Variants in CPS1 observed in about 807,000 individuals in gnomAD.
CPS1 encodes carbamoyl-phosphate synthase 1.
CPS1 carries 109 observed loss-of-function variants against 174.6 expected under a neutral mutation model. That is an observed-to-expected ratio of 0.62 (90% CI 0.53 to 0.73). CPS1 has a LOEUF of 0.73. Among genes scored for constraint, CPS1 ranks in the 30% least tolerant of loss-of-function variants. The pLI, the probability that CPS1 is intolerant of heterozygous loss-of-function variation, is 0.00. For missense variants in CPS1, 1,689 were observed against 1,821.9 expected (o/e 0.93, Z 1.33); for synonymous variants, 637 against 632.0 (o/e 1.01, Z -0.12).
At chr2:210,656,396 A>G in intron 29 of CPS1, 129 bp from the exon 30 acceptor site, 1 of 717,034 alleles carries the variant, frequency 1.4e-6, no homozygotes, top group South Asian at 1.5e-5. Context: ...TCTCATCAGG[A>G]ATGTAGCAAG....
chr2:210,614,270 A>G (rs1410124605), intron 20 of CPS1, among the ~76,000 whole-genome samples: 10 of 151,674 alleles, frequency 6.6e-5, no homozygotes, highest in Admixed American at 2.6e-4. Context: ...TTGAGAAATC[A>G]TGGATTTTTT....
At chr2:210,556,037 T>C (rs1326259959), upstream of CPS1, among the ~76,000 whole-genome samples, 1 of 152,044 alleles carries the variant, frequency 6.6e-6, no homozygotes, top group Non-Finnish European at 1.5e-5. Flanking sequence ...CTGATTGCTT[T>C]AACTTTGAAA....
chr2:210,659,186 A>G (rs1160299528), intron 31 of CPS1, among the ~76,000 whole-genome samples: 2 of 152,172 alleles, frequency 1.3e-5, no homozygotes, highest in Non-Finnish European at 2.9e-5. Flanking sequence ...GAGTCTGGGT[A>G]ACTTGTAGAG....
chr2:210,551,242 A>G (rs994851887), intron 1 of CPS1, among the ~76,000 whole-genome samples: 3 of 152,100 alleles, frequency 2.0e-5, no homozygotes, highest in South Asian at 2.1e-4. Flanking sequence ...TTCTGAATCA[A>G]CTTTCTAAGG....
intron 1 of CPS1, among the ~76,000 whole-genome samples, chr2:210,484,623 A>G (rs1307001071): frequency 6.6e-6 from 1 of 152,166 alleles, no homozygotes; most frequent in Admixed American, 6.5e-5. Context: ...CCAGATCACC[A>G]CATCTGGACG....
intron 1 of CPS1, among the ~76,000 whole-genome samples, chr2:210,565,015 AAAAT>A (rs562861337): frequency 3.3e-5 from 5 of 151,284 alleles, no homozygotes; most frequent in East Asian, 1.9e-4. Context: ...AATAAAAATA[AAAAT>A]AAATAAATAA....
At chr2:210,554,757 A>T (rs1696849123), upstream of CPS1, among the ~76,000 whole-genome samples, 1 of 151,740 alleles carries the variant, frequency 6.6e-6, no homozygotes, top group Non-Finnish European at 1.5e-5. Flanking sequence ...ATAAAAGAAA[A>T]AAAAACTTAA....
chr2:210,505,337 A>C (rs1169408557), intron 1 of CPS1, among the ~76,000 whole-genome samples: 3 of 152,006 alleles, frequency 2.0e-5, no homozygotes, highest in Non-Finnish European at 2.9e-5. Context: ...GAAAGAAAAG[A>C]AGCACAGTCC....
At chr2:210,564,605 T>C (rs1214331660) in intron 1 of CPS1, among the ~76,000 whole-genome samples, 4 of 152,012 alleles carry the variant, frequency 2.6e-5, no homozygotes, top group East Asian at 1.9e-4. Context: ...CTCGATCTCC[T>C]GACCTTGTGA....
At chr2:210,622,651 A>T (rs1699565879) in intron 21 of CPS1, among the ~76,000 whole-genome samples, 2 of 151,886 alleles carry the variant, frequency 1.3e-5, no homozygotes, top group Non-Finnish European at 2.9e-5. Flanking sequence ...TAAGGAATTC[A>T]ACTATAATAG....
intron 21 of CPS1, chr2:210,631,324 C>G (rs572903076): frequency 6.6e-6 from 1 of 152,216 alleles, no homozygotes; most frequent in Admixed American, 6.5e-5. Context: ...TATTCCATTT[C>G]CTTTTATCAT....
chr2:210,582,518 C>T, intron 5 of CPS1, 99 bp from the exon 6 acceptor site: 1 of 857,878 alleles, frequency 1.2e-6, no homozygotes, highest in East Asian at 2.5e-5. Flanking sequence ...ATAAAGACAT[C>T]TAAGTCTTGC....
intron 5 of CPS1, 90 bp from the exon 6 acceptor site, chr2:210,582,527 G>A (rs967616472): frequency 5.6e-6 from 5 of 899,676 alleles, no homozygotes; most frequent in African/African-American, 4.9e-5. Flanking sequence ...TCTAAGTCTT[G>A]CAGCAGCTGT....
intron 1 of CPS1, among the ~76,000 whole-genome samples, chr2:210,481,776 G>A (rs1450126994): frequency 1.3e-5 from 2 of 152,266 alleles, no homozygotes; most frequent in Non-Finnish European, 2.9e-5. Flanking sequence ...GTAACTGTAA[G>A]TAGAATGTAG....
At chr2:210,529,130 A>G (rs1696050479) in intron 1 of CPS1, among the ~76,000 whole-genome samples, 1 of 151,930 alleles carries the variant, frequency 6.6e-6, no homozygotes, top group African/African-American at 2.4e-5. Context: ...ATCATGAGAA[A>G]GAAATAACTC....
intron 10 of CPS1, among the ~76,000 whole-genome samples, chr2:210,592,413 C>A (rs1339546417): frequency 6.6e-6 from 1 of 151,976 alleles, no homozygotes; most frequent in Non-Finnish European, 1.5e-5. Context: ...TAATCAACAA[C>A]TATCTCATAT....
chr2:210,524,407 G>A (rs894496908), intron 1 of CPS1, among the ~76,000 whole-genome samples: 12 of 151,958 alleles, frequency 7.9e-5, no homozygotes, highest in Non-Finnish European at 1.6e-4. Context: ...ATATTATAGT[G>A]ATGAGAATAT....
chr2:210,570,480 A>AT (rs1697439067), intron 1 of CPS1, among the ~76,000 whole-genome samples: 1 of 151,936 alleles, frequency 6.6e-6, no homozygotes, highest in African/African-American at 2.4e-5. Context: ...TCTAACCCAG[A>AT]TATGGGATAA....
chr2:210,595,636 T>C (rs1698458884), intron 13 of CPS1, 54 bp downstream of exon 13: 1 of 1,190,264 alleles, frequency 8.4e-7, no homozygotes, highest in South Asian at 1.2e-5. Flanking sequence ...ATGAGTCTAA[T>C]TAGTATTTTA....
Sources: gnomAD v4.1 joint callset for allele counts (sites outside exome capture counted in the v4.1 genomes callset) on GRCh38, gnomAD v4.1.1 for gene constraint, MANE v1.5 for transcripts, NCBI Gene and HGNC (gene_info 2026-07-23, HGNC 2026-07-21) for gene names.